The following CCDC149 variants were observed in gnomAD, a reference collection of about 807,000 sequenced individuals.
CCDC149 encodes coiled-coil domain containing 149.
Under a neutral mutation model 59.9 loss-of-function variants are expected in CCDC149, and 45 were observed. The ratio of observed to expected loss-of-function variants is 0.75; its 90% CI spans 0.59 to 0.96. CCDC149 has a LOEUF of 0.96. Among genes scored for constraint, CCDC149 ranks in the 40% least tolerant of loss-of-function variants. The pLI, the probability that CCDC149 is intolerant of heterozygous loss-of-function variation, is 0.00. For missense variants in CCDC149, 584 were observed against 664.7 expected, an observed-to-expected ratio of 0.88 and a Z score of 1.33; for synonymous variants, 245 against 260.6, an observed-to-expected ratio of 0.94 and a Z score of 0.58.
At chr4:24,958,852 C>T (rs910717142) in intron 1 of CCDC149, among the ~76,000 whole-genome samples, 25 of 151,958 alleles carry the variant, frequency 1.6e-4, no homozygotes, top group African/African-American at 6.0e-4. Flanking sequence ...GCCAACATGG[C>T]GAAAACCTGC....
chr4:24,938,124 C>A (rs1000527014), intron 1 of CCDC149, among the ~76,000 whole-genome samples: 2 of 152,150 alleles, frequency 1.3e-5, no homozygotes. Flanking sequence ...TTCATCAGAA[C>A]CAAGATCTCC....
At chr4:24,843,172 T>A (rs896532049) in intron 4 of CCDC149, among the ~76,000 whole-genome samples, 1 of 152,222 alleles carries the variant, frequency 6.6e-6, no homozygotes, top group Non-Finnish European at 1.5e-5. Flanking sequence ...GCTTTCAAAG[T>A]GCAATCCCCA....
chr4:24,865,639 C>A (rs573947049), intron 3 of CCDC149, among the ~76,000 whole-genome samples: 1 of 152,330 alleles, frequency 6.6e-6, no homozygotes, highest in African/African-American at 2.4e-5. Context: ...TGAATGAATG[C>A]ATTTCCAGGC....
chr4:24,859,547 T>C (rs1718243225), intron 3 of CCDC149, among the ~76,000 whole-genome samples: 1 of 152,112 alleles, frequency 6.6e-6, no homozygotes, highest in Non-Finnish European at 1.5e-5. Flanking sequence ...AAGACAAAGA[T>C]ACTCACTTTC....
chr4:24,827,684 T>C (rs1188559968), intron 9 of CCDC149: 3 of 152,328 alleles, frequency 2.0e-5, no homozygotes, highest in East Asian at 1.9e-4. Context: ...CTCAAGCAAA[T>C]TGCCTATTAA....
upstream of CCDC149, among the ~76,000 whole-genome samples, chr4:24,917,062 C>T (rs561268098): frequency 5.3e-5 from 8 of 152,236 alleles, no homozygotes; most frequent in South Asian, 1.7e-3. Flanking sequence ...TCTCCTCCCC[C>T]TACCTAGAGG....
rs528637377 is a variant in CCDC149, at chr4:24,807,686, C to T, written c.*703G>A. On this transcript the variant is annotated 3_prime_UTR_variant, in exon 13 of 13. Transcript: ENST00000635206. ...CTCACCCCTCCCAGTCACTTCAGATCAGTTAATTCTCCAGATTTACAAGCT... is the reference window on the plus strand; with the variant it reads ...CTCACCCCTCCCAGTCACTTCAGATTAGTTAATTCTCCAGATTTACAAGCT... The T allele has an allele frequency of 6.6e-6, 1 of 152,266 alleles. No homozygotes were observed. The highest frequency in any genetic ancestry group is 2.4e-5 in the African/African-American group (1 of 41,456). The allele number at this position is 152,266 out of a possible 1,614,324, so 9.4% of individuals were successfully genotyped here.
At chr4:24,804,572 A>AT (rs1334039434), downstream of CCDC149, among the ~76,000 whole-genome samples, 3 of 151,806 alleles carry the variant, frequency 2.0e-5, no homozygotes, top group African/African-American at 7.2e-5. Flanking sequence ...AGGGCACCCC[A>AT]TTTTTTTGGA....
intron 4 of CCDC149, among the ~76,000 whole-genome samples, chr4:24,848,016 C>A (rs1045252578): frequency 6.6e-6 from 1 of 152,014 alleles, no homozygotes; most frequent in Non-Finnish European, 1.5e-5. Context: ...TGAGGTCAAC[C>A]GTGGTCTGGA....
intron 8 of CCDC149, 58 bp from the exon 9 acceptor site, chr4:24,831,708 A>G: frequency 6.7e-7 from 1 of 1,500,858 alleles, no homozygotes; most frequent in Non-Finnish European, 9.2e-7. Context: ...GCTGGAATGC[A>G]AACCAATGTC....
chr4:24,836,598 G>T (rs368381301), intron 6 of CCDC149, 90 bp from the exon 7 acceptor site: 5 of 777,774 alleles, frequency 6.4e-6, no homozygotes, highest in African/African-American at 5.2e-5. Context: ...AAAACCACTT[G>T]CCAGAAGAGC....
chr4:24,919,216 T>C (rs1722216145), intron 1 of CCDC149, among the ~76,000 whole-genome samples: 2 of 152,238 alleles, frequency 1.3e-5, no homozygotes, highest in Admixed American at 6.5e-5. Flanking sequence ...AAGCCTTTCT[T>C]GAGCTTCTCT....
intron 1 of CCDC149, among the ~76,000 whole-genome samples, chr4:24,890,468 G>T (rs556991546): frequency 6.6e-6 from 1 of 152,282 alleles, no homozygotes; most frequent in Admixed American, 6.5e-5. Context: ...GAGTTGGAAG[G>T]ATTCTATAGA....
intron 1 of CCDC149, among the ~76,000 whole-genome samples, chr4:24,934,277 T>A (rs59463967): frequency 0.024 from 3,703 of 152,270 alleles, 93 homozygotes; most frequent in South Asian, 0.1. Flanking sequence ...AGTGAATAAG[T>A]CTCATGAAAT....
intron 1 of CCDC149, among the ~76,000 whole-genome samples, chr4:24,918,446 A>G (rs1300030617): frequency 2.0e-5 from 3 of 152,156 alleles, no homozygotes; most frequent in Non-Finnish European, 4.4e-5. Flanking sequence ...CATTTATCTA[A>G]TGACGTGCCC....
rs538183608 is a variant in CCDC149, at chr4:24,841,633, C to T, written c.373-3361G>A. On this transcript the variant is annotated intron_variant, in intron 4 of 12. Transcript: ENST00000635206. ...GTCACCGCAGAGGAGATGGCAGAGC[C>T]CCAGGGAGAAGGCTCCTGCCTTCCG... 9.9e-5 allele frequency among the ~76,000 whole-genome samples: 15 copies of T among 152,258 alleles called. No individual in the cohort carries two copies. In the East Asian group the frequency reaches 1.6e-3, roughly 16 times the overall value.
At chr4:24,963,946 G>A (rs1417398025) in intron 1 of CCDC149, among the ~76,000 whole-genome samples, 2 of 152,218 alleles carry the variant, frequency 1.3e-5, no homozygotes, top group African/African-American at 2.4e-5. Context: ...AGGATCCCAA[G>A]CACTTTGGGA....
At chr4:24,872,827 A>T (rs894318785) in intron 3 of CCDC149, among the ~76,000 whole-genome samples, 21 of 151,786 alleles carry the variant, frequency 1.4e-4, no homozygotes, top group Middle Eastern at 3.2e-3. Context: ...AATGGTATGC[A>T]CCCATAGAAG....
rs5856868 is a variant in CCDC149 at position 24,874,244 on chromosome 4, G to GTTTTTTTTTTT, written c.226-536_226-526dup. 8.6e-4 allele frequency among the ~76,000 whole-genome samples: 75 copies of GTTTTTTTTTTT among 87,484 alleles called. 7 individuals are homozygous for GTTTTTTTTTTT. The highest frequency in any genetic ancestry group is 3.8e-3 in the African/African-American group (66 of 17,170). 57.4% of individuals were successfully genotyped at this position (87,484 alleles called of 152,430 possible). A position where few individuals can be genotyped will look rare whatever the true frequency, so the allele number is the denominator to read the frequency against. On this transcript the variant is annotated intron_variant, in intron 2 of 12. Transcript: ENST00000635206. Reference sequence around the variant, plus strand: ...GAGAACTTCTAGTCCTATTAGATTTGTTTTTTTTTTTTTTTGTTTTGTTTT... The same window carrying GTTTTTTTTTTT: ...GAGAACTTCTAGTCCTATTAGATTTGTTTTTTTTTTTTTTTTTTTTTTTTTTGTTTTGTTTT...
Sources: allele counts gnomAD v4.1 joint callset (sites outside exome capture counted in the v4.1 genomes callset), GRCh38; gene constraint gnomAD v4.1.1; transcripts MANE v1.5; gene names NCBI Gene and HGNC (gene_info 2026-07-23, HGNC 2026-07-21).